The following CBARP variants were observed in gnomAD, a reference collection of about 807,000 sequenced individuals.
CBARP encodes CACN subunit beta associated regulatory protein, also known as voltage-dependent calcium channel beta subunit-associated regulatory protein.
Under a neutral mutation model 36.3 loss-of-function variants are expected in CBARP, and 24 were observed. The ratio of observed to expected loss-of-function variants is 0.66; its 90% confidence interval spans 0.48 to 0.93. The LOEUF is 0.93. Among genes scored for constraint, CBARP ranks in the 40% least tolerant of loss-of-function variants. CBARP has a pLI of 0.00. For synonymous variants in CBARP, 586 were observed against 453.2 expected, an observed-to-expected ratio of 1.29 and a Z score of -3.72; for missense variants, 1,146 against 980.4, an observed-to-expected ratio of 1.17 and a Z score of -2.26.
At position 1,229,304 on chromosome 19, in the gene CBARP, C is replaced by G. The variant is rs867436520; in HGVS notation, c.1993G>C (p.Val665Leu). Residue 665 changes from valine (V) to leucine (L), a missense_variant, in exon 10 of 10, where the codon GTG becomes CTG. Val to Leu is a conservative substitution (Grantham distance 32). Coordinates refer to ENST00000650044, the MANE Select transcript of CBARP (RefSeq NM_001393918.1). This position sits in a 1 kb window ranked among gnomAD's most constrained non-coding sequence, Gnocchi z 5.1. ...AGGCCAGCCGCCAGCTTGTCCAGCA[C>G]CGACCCGGATGGTAGGACGCACAGG... is the stretch of plus-strand genomic sequence containing the variant. Reference protein sequence around the residue: ...SGLCVLPSGSVLDKLAAGLDE... With the variant: ...SGLCVLPSGSLLDKLAAGLDE... 6 of 1,256,364 alleles carry G rather than the reference C, an allele frequency of 4.8e-6. No homozygotes were observed. Among genetic ancestry groups the G allele is most frequent in the Middle Eastern group, 2.2e-4 (1 of 4,580 alleles). 77.8% of individuals were successfully genotyped at this position (1,256,364 alleles called of 1,614,324 possible).
At chr19:1,231,387 C>G (rs1413650297) in intron 8 of CBARP, 112 bp from the exon 9 acceptor site, 7 of 1,391,186 alleles carry the variant, frequency 5.0e-6, no homozygotes, top group Admixed American at 2.4e-5. Flanking sequence ...TGTGCCCCCC[C>G]GCCACACACA....
rs767366962 is a variant in CBARP at position 1,234,651 on chromosome 19, C to G, written c.547G>C (p.Glu183Gln). 1.2e-6 allele frequency: 2 copies of G among 1,611,606 alleles called. No individual in the cohort carries two copies. The highest frequency in any genetic ancestry group is 1.7e-6 in the Non-Finnish European group (2 of 1,179,322). Residue 183 changes from glutamate (E) to glutamine (Q), a missense_variant, in exon 6 of 10, where the codon GAG becomes CAG. Coordinates refer to ENST00000650044, the MANE Select transcript of CBARP (RefSeq NM_001393918.1). ...GAGCTGGCCTCGCCTGAGTCACACT[C>G]GTGGATGGTGACAATCTTGAGGGGC... Reference protein sequence around the residue: ...LPPLKIVTIHECDSGEASSAT... With the variant: ...LPPLKIVTIHQCDSGEASSAT...
intron 1 of CBARP, among the ~76,000 whole-genome samples, chr19:1,236,348 C>T (rs1342486008): frequency 1.3e-5 from 2 of 152,194 alleles, no homozygotes; most frequent in African/African-American, 4.8e-5. Context: ...GGGGAGGAGG[C>T]CTGGCCCTCT....
At position 1,229,097 on chromosome 19, in the gene CBARP, C is replaced by G; in HGVS notation, c.*82G>C. ...TCCCCGCGCATTCGCGTCGGGGCGT[C>G]GCGCCCCCACGTCTCTCCCGCCGCC... On this transcript the variant is annotated 3_prime_UTR_variant, in exon 10 of 10. Coordinates refer to ENST00000650044, the MANE Select transcript of CBARP (RefSeq NM_001393918.1). This position sits in a 1 kb window ranked among gnomAD's most constrained non-coding sequence, Gnocchi z 5.1. The G allele has an allele frequency of 2.2e-6, 1 of 458,062 alleles. No homozygotes were observed. Among genetic ancestry groups the G allele is most frequent in the East Asian group, 1.6e-4 (1 of 6,380 alleles). 28.4% of individuals were successfully genotyped at this position (458,062 alleles called of 1,614,324 possible).
chr19:1,233,527 C>A lies in CBARP; in HGVS notation c.878G>T (p.Arg293Leu), dbSNP rs771141586. 17 of 1,602,606 alleles carry A rather than the reference C, an allele frequency of 1.1e-5. No individual in the cohort carries two copies. Among genetic ancestry groups the A allele is most frequent in the Non-Finnish European group, 1.4e-5 (16 of 1,174,820 alleles). Residue 293 changes from arginine (R) to leucine (L), a missense_variant, in exon 8 of 10, where the codon CGC (arginine) becomes CTC (leucine). Physicochemically the swap from Arg to Leu is moderately radical, Grantham distance 102. Coordinates refer to ENST00000650044, the MANE Select transcript of CBARP (RefSeq NM_001393918.1). ...ATCCAGGCTGGCATGGCGGCGCAGG[C>A]GGGTGAGGAACTGCAGAACGGTACC... ...GAGTVLQFLT[R>L]LRRHASLDGA...
chr19:1,234,878 C>T, intron 5 of CBARP, 123 bp downstream of exon 5: 1 of 1,499,948 alleles, frequency 6.7e-7, no homozygotes, highest in East Asian at 2.4e-5. Context: ...CGCCCCACCC[C>T]ACGGTCCCAG....
rs1390256991 is a variant in CBARP at position 1,234,297 on chromosome 19, C to T, written c.662G>A (p.Gly221Asp). ...GTCACCTGGCAGGGCGGAGCTGGGG[C>T]CCACAGAGCGGCCGGTGAGGGCCTT... ...PGKALTGRSV[G>D]PSSALPGDPY... Residue 221 changes from glycine to aspartate, a missense_variant, in exon 7 of 10, where the codon GGC becomes GAC. Gly to Asp is a moderately conservative substitution (Grantham distance 94). Transcript: ENST00000650044. 1.5e-5 allele frequency: 21 copies of T among 1,447,922 alleles called. No individual in the cohort carries two copies. The highest frequency in any genetic ancestry group is 1.9e-5 in the Non-Finnish European group (21 of 1,097,624). The allele number at this position is 1,447,922 out of a possible 1,614,324, so 89.7% of individuals were successfully genotyped here.
intron 6 of CBARP, 108 bp downstream of exon 6, chr19:1,234,463 G>T: frequency 7.3e-7 from 1 of 1,377,940 alleles, no homozygotes; most frequent in South Asian, 1.5e-5. Context: ...CGCCCATCCC[G>T]AGATGAGGGC....
Position 1,233,589 on chromosome 19 carries a change from T to G in CBARP, c.816A>C (p.Ala272=). 1.2e-6 allele frequency: 2 copies of G among 1,610,866 alleles called. No individual in the cohort carries two copies. The highest frequency in any genetic ancestry group is 1.7e-6 in the Non-Finnish European group (2 of 1,179,254). ...RSTKAGGPGA[A]AGPGEAGPGS... Reference sequence around the variant, plus strand: ...CCGGGCCCGCCTCCCCAGGCCCTGCTGCAGCCCCGGGCCCTCCAGCCTTGG... The same window carrying G: ...CCGGGCCCGCCTCCCCAGGCCCTGCGGCAGCCCCGGGCCCTCCAGCCTTGG... Residue 272 remains alanine, a synonymous_variant, in exon 8 of 10, where the codon GCA becomes GCC. Transcript: ENST00000650044.
intron 3 of CBARP, 68 bp from the exon 4 acceptor site, chr19:1,235,633 T>G (rs543220832): frequency 1.3e-6 from 2 of 1,584,690 alleles, no homozygotes; most frequent in East Asian, 2.3e-5. Context: ...TCTCGGCTCT[T>G]TGCCCCAAGC....
Position 1,228,775 on chromosome 19 carries a change from C to T in CBARP, c.*404G>A, listed in dbSNP as rs1397537505. The T allele has an allele frequency of 6.8e-6, 1 of 147,158 alleles. No homozygotes were observed. Among genetic ancestry groups the T allele is most frequent in the African/African-American group, 2.4e-5 (1 of 40,928 alleles). The allele number at this position is 147,158 out of a possible 1,614,324, so 9.1% of individuals were successfully genotyped here. A position where few individuals can be genotyped will look rare whatever the true frequency, so the allele number is the denominator to read the frequency against. On this transcript the variant is annotated 3_prime_UTR_variant, in exon 10 of 10. Coordinates refer to ENST00000650044, the MANE Select transcript of CBARP (RefSeq NM_001393918.1). ...CCCGGCACGCGGCGGCTCCATCGGG[C>T]CCAGTGGGCTGCGCGACCCTCGGGT...
Position 1,234,195 on chromosome 19 carries a change from G to A in CBARP, c.764C>T (p.Thr255Ile). Residue 255 changes from threonine (T) to isoleucine (I), a missense_variant, in exon 7 of 10, where the codon ACC (threonine) becomes ATC (isoleucine). By Grantham distance (89) the Thr-to-Ile change is moderately conservative (BLOSUM62 -1). Transcript: ENST00000650044. ...GGGACACGCAGGGGCCCTCACCGAG[G>A]TGCCTTCCCCAGAGTCGCTAGATGC... ...PSASSDSGEG[T>I]SLDAGTRSTK... The A allele has an allele frequency of 1.3e-6, 2 of 1,519,446 alleles. No individual in the cohort carries two copies. The highest frequency in any genetic ancestry group is 1.4e-5 in the African/African-American group (1 of 71,808). The allele number at this position is 1,519,446 out of a possible 1,614,324, so 94.1% of individuals were successfully genotyped here. A position where few individuals can be genotyped will look rare whatever the true frequency, so the allele number is the denominator to read the frequency against.
At position 1,233,428 on chromosome 19, in the gene CBARP, C is replaced by G. The variant is rs1258259601; in HGVS notation, c.977G>C (p.Arg326Thr). The change falls in exon 8 of 10, where the codon AGA (arginine) becomes ACA (threonine). Residue 326 changes from arginine to threonine, a missense_variant and splice_region_variant. Transcript: ENST00000650044. Reference sequence around the variant, plus strand: ...CTCCACCAGGTGCTACAGCTCACCTCTCGTGTCCAGACTGGCTGCCCGCTG... The same window carrying G: ...CTCCACCAGGTGCTACAGCTCACCTGTCGTGTCCAGACTGGCTGCCCGCTG... ...PSQRAASLDTRGSPKRHHFQR... is the reference protein window; with the variant it reads ...PSQRAASLDTTGSPKRHHFQR... The G allele has an allele frequency of 1.9e-6, 3 of 1,587,196 alleles. No homozygotes were observed. Among genetic ancestry groups the G allele is most frequent in the African/African-American group, 1.3e-5 (1 of 74,458 alleles).
Position 1,233,582 on chromosome 19 carries a change from GCC to G in CBARP, c.821_822del (p.Gly274AlafsTer68). The G allele has an allele frequency of 6.2e-7, 1 of 1,610,918 alleles. No homozygotes were observed. Among genetic ancestry groups the G allele is most frequent in the Non-Finnish European group, 8.5e-7 (1 of 1,179,274 alleles). On this transcript the variant is annotated frameshift_variant, in exon 8 of 10. Transcript: ENST00000650044. LOFTEE classifies it high-confidence loss of function. The stretch of plus-strand genomic sequence containing the variant: ...CCGGATCCCGGGCCCGCCTCCCCAG[GCC>G]CTGCTGCAGCCCCGGGCCCTCCAGC... ...TKAGGPGAAA[G>X]PGEAGPGSGA... is the part of the protein sequence containing the mutation.
In CBARP at chr19:1,234,722, T is replaced by TC. The variant is rs950374485; in HGVS notation, c.475dup (p.Asp159GlyfsTer27). On this transcript the variant is annotated frameshift_variant, in exon 6 of 10. Transcript: ENST00000650044. LOFTEE classifies it high-confidence loss of function. Reference sequence around the variant, plus strand: ...CCGGGCATTCTTCAGGTGGTGGAAGTCCCCCTCCGTCAGTGTGTACCTGCG... The same window carrying TC: ...CCGGGCATTCTTCAGGTGGTGGAAGTCCCCCCTCCGTCAGTGTGTACCTGCG... The TC allele has an allele frequency of 6.2e-7, 1 of 1,612,204 alleles. No homozygotes were observed. The highest frequency in any genetic ancestry group is 8.5e-7 in the Non-Finnish European group (1 of 1,179,576).
chr19:1,234,561 A>G lies in CBARP; in HGVS notation c.627+10T>C. ...CCCCGAGGAACCGGGGCTGCTGCCC[A>G]TAGGCTCACCTGGAAGATGGCCAGA... On this transcript the variant is annotated intron_variant, in intron 6 of 9. Coordinates refer to ENST00000650044, the MANE Select transcript of CBARP (RefSeq NM_001393918.1). The G allele has an allele frequency of 6.3e-7, 1 of 1,597,500 alleles. No individual in the cohort carries two copies. Among genetic ancestry groups the G allele is most frequent in the Non-Finnish European group, 8.5e-7 (1 of 1,173,318 alleles).
Position 1,236,040 on chromosome 19 carries a change from C to T in CBARP, c.61G>A (p.Val21Ile). The T allele has an allele frequency of 2.6e-6, 4 of 1,537,042 alleles. No individual in the cohort carries two copies. The highest frequency in any genetic ancestry group is 3.5e-6 in the Non-Finnish European group (4 of 1,142,558). Residue 21 changes from valine (V) to isoleucine (I), a missense_variant, in exon 2 of 10, where the codon GTA becomes ATA. Physicochemically the swap from Val to Ile is conservative, Grantham distance 29. Transcript: ENST00000650044. ...ATTTTTTTAT[V>I]ALTTSWDNAT... is the part of the protein sequence containing the mutation. ...TTGTCCCACGACGTCGTCAGGGCTACTGTGGCAGTGGTGGTGGTGGTGGTG... is the reference window on the plus strand; with the variant it reads ...TTGTCCCACGACGTCGTCAGGGCTATTGTGGCAGTGGTGGTGGTGGTGGTG...
rs2080865145 is a variant in CBARP, at chr19:1,229,764, G to A, written c.1533C>T (p.Arg511=). 3.0e-6 allele frequency: 3 copies of A among 1,011,884 alleles called. No homozygotes were observed. The highest frequency in any genetic ancestry group is 3.6e-6 in the Non-Finnish European group (3 of 841,134). 62.7% of individuals were successfully genotyped at this position (1,011,884 alleles called of 1,614,324 possible). A position where few individuals can be genotyped will look rare whatever the true frequency, so the allele number is the denominator to read the frequency against. The change falls in exon 10 of 10, where the codon CGC becomes CGT. Residue 511 remains arginine (R), a synonymous_variant. Transcript: ENST00000650044. The surrounding 1 kb of genome is among the most constrained non-coding windows in gnomAD (Gnocchi z 5.1). ...MDSGYASIEG[R]GAGDDTEPPA... Reference sequence around the variant, plus strand: ...GTGGCTCGGTGTCGTCGCCTGCGCCGCGGCCCTCGATGCTGGCGTAGCCAC... The same window carrying A: ...GTGGCTCGGTGTCGTCGCCTGCGCCACGGCCCTCGATGCTGGCGTAGCCAC...
rs148539768 is a variant in CBARP at position 1,235,960 on chromosome 19, G to A, written c.105+36C>T. The A allele has an allele frequency of 4.0e-4, 642 of 1,588,650 alleles. 2 individuals are homozygous for A. In the African/African-American group the frequency reaches 7.6e-3, roughly 19 times the overall value. ...GGGGTCAGGTGCTGCTGGCCTGGAC[G>A]ACCTCCTGCCCCTCCCACCTGTCCC... On this transcript the variant is annotated intron_variant, in intron 2 of 9. Coordinates refer to ENST00000650044, the MANE Select transcript of CBARP (RefSeq NM_001393918.1).
Sources: allele counts gnomAD v4.1 joint callset (sites outside exome capture counted in the v4.1 genomes callset), GRCh38; gene constraint gnomAD v4.1.1; non-coding constraint Gnocchi (gnomAD v3.1); transcripts MANE v1.5; gene names NCBI Gene and HGNC (gene_info 2026-07-23, HGNC 2026-07-21).